IPO7: variants seen among roughly 807,000 people sequenced by gnomAD.
IPO7 encodes importin 7, also known as importin-7.
A neutral mutation model predicts 136.4 loss-of-function variants in IPO7; 13 were observed. The ratio of observed to expected loss-of-function variants is 0.10; its 90% confidence interval spans 0.06 to 0.15. IPO7 has a LOEUF of 0.15. Among genes scored for constraint, IPO7 ranks in the 10% least tolerant of loss-of-function variants. IPO7 has a pLI of 1.00. For synonymous variants in IPO7, 403 were observed against 404.4 expected (o/e 1.00, Z 0.04); for missense variants, 857 against 1,240.6 (o/e 0.69, Z 4.65).
intron 6 of IPO7, 109 bp downstream of exon 6, chr11:9,417,257 G>T (rs1855054187): frequency 3.9e-6 from 2 of 513,262 alleles, no homozygotes; most frequent in South Asian, 6.9e-5. Context: ...TTATAATATG[G>T]TGATGTATTT....
At chr11:9,396,365 C>T (rs975734066) in intron 1 of IPO7, among the ~76,000 whole-genome samples, 1 of 152,228 alleles carries the variant, frequency 6.6e-6, no homozygotes, top group Non-Finnish European at 1.5e-5. Context: ...CACTGCACTC[C>T]GGCCAGGGAG....
In IPO7 at chr11:9,442,958, G is replaced by A. The variant is rs553020208; in HGVS notation, c.3019+761G>A. ...AAATTGCTTGAACCTAGGAGGCGGA[G>A]GTTGCAGTGAGTTGAGATTGCACTA... On this transcript the variant is annotated intron_variant, in intron 24 of 24. Coordinates refer to ENST00000379719, the MANE Select transcript of IPO7 (RefSeq NM_006391.3). Among the ~76,000 whole-genome samples, 19 of 152,128 alleles carry A rather than the reference G, an allele frequency of 1.2e-4. No homozygotes were observed. The South Asian group carries it at 3.7e-3, about 30-fold the overall frequency.
At chr11:9,386,570 T>G (rs1225585156) in intron 1 of IPO7, among the ~76,000 whole-genome samples, 1 of 152,194 alleles carries the variant, frequency 6.6e-6, no homozygotes, top group Non-Finnish European at 1.5e-5. Flanking sequence ...AATTATTAAT[T>G]TTAAAAGTGA....
chr11:9,408,703 GGT>G (rs1854923630), intron 3 of IPO7, 64 bp downstream of exon 3: 47 of 411,372 alleles, frequency 1.1e-4, no homozygotes, highest in Non-Finnish European at 1.4e-4. Flanking sequence ...TTTGTTTTTT[GGT>G]TTTTTTTTTT....
At chr11:9,406,516 A>G (rs945068485) in intron 2 of IPO7, among the ~76,000 whole-genome samples, 5 of 152,136 alleles carry the variant, frequency 3.3e-5, no homozygotes, top group Non-Finnish European at 5.9e-5. Flanking sequence ...GTGTGTACAC[A>G]ATTGGAAGGA....
intron 7 of IPO7, 47 bp from the exon 8 acceptor site, chr11:9,420,567 G>A: frequency 6.4e-7 from 1 of 1,553,564 alleles, no homozygotes; most frequent in Non-Finnish European, 8.9e-7. Context: ...TAAAGTGCTA[G>A]CATAAAGCAT....
chr11:9,437,910 A>G lies in IPO7; in HGVS notation c.2425A>G (p.Asn809Asp), dbSNP rs1479443288. Residue 809 changes from asparagine (N) to aspartate (D), a missense_variant, in exon 21 of 25, where the codon AAT becomes GAT. By Grantham distance (23) the Asn-to-Asp change is conservative. Around this residue, in one of 11 missense-constraint regions of IPO7, gnomAD observed 190 missense variants for 249.0 expected, o/e 0.76. Coordinates refer to ENST00000379719, the MANE Select transcript of IPO7 (RefSeq NM_006391.3). Reference sequence around the variant, plus strand: ...CTTAGAAAATCTTCGCTTCCCTAATAATGTTGAACCAGTTACAAATCATTT... The same window carrying G: ...CTTAGAAAATCTTCGCTTCCCTAATGATGTTGAACCAGTTACAAATCATTT... ...NTLENLRFPN[N>D]VEPVTNHFIT... 2 of 1,613,912 alleles carry G rather than the reference A, an allele frequency of 1.2e-6. No individual in the cohort carries two copies. Among genetic ancestry groups the G allele is most frequent in the East Asian group, 2.2e-5 (1 of 44,856 alleles).
intron 1 of IPO7, among the ~76,000 whole-genome samples, chr11:9,395,873 C>T (rs781723147): frequency 9.9e-5 from 15 of 151,576 alleles, no homozygotes; most frequent in East Asian, 2.0e-4. Flanking sequence ...GCCGCCACCA[C>T]GTCTGGCTAA....
intron 11 of IPO7, 35 bp from the exon 12 acceptor site, chr11:9,425,111 C>A: frequency 7.2e-7 from 1 of 1,387,222 alleles, no homozygotes; most frequent in Non-Finnish European, 1.0e-6. Context: ...GACTGTTGGC[C>A]TATTCAGTAA....
At chr11:9,428,766 C>A in intron 13 of IPO7, 137 bp downstream of exon 13, 1 of 789,252 alleles carries the variant, frequency 1.3e-6, no homozygotes, top group Non-Finnish European at 2.3e-6. Flanking sequence ...TAAATCTTTA[C>A]ATGGCTGCTG....
intron 9 of IPO7, 130 bp downstream of exon 9, chr11:9,423,270 G>A: frequency 1.8e-6 from 1 of 548,260 alleles, no homozygotes; most frequent in Non-Finnish European, 3.1e-6. Flanking sequence ...TGTTTTGAGA[G>A]TATAGCAGAA....
At chr11:9,413,068 C>T (rs916819469) in intron 4 of IPO7, among the ~76,000 whole-genome samples, 6 of 151,914 alleles carry the variant, frequency 3.9e-5, no homozygotes, top group African/African-American at 9.7e-5. Context: ...TTAGTAGAGA[C>T]GGGGTTTCAC....
chr11:9,397,341 A>AAAAAAAAAATATATATAT lies in IPO7; in HGVS notation c.85-5948_85-5947insAAAAAAAATATATATATA. Among the ~76,000 whole-genome samples, 24 of 10,754 alleles carry AAAAAAAAAATATATATAT rather than the reference A, an allele frequency of 2.2e-3. 1 individual carries two copies. Among genetic ancestry groups the AAAAAAAAAATATATATAT allele is most frequent in the African/African-American group, 2.8e-3 (11 of 3,980 alleles). 7.1% of individuals were successfully genotyped at this position (10,754 alleles called of 152,430 possible). On this transcript the variant is annotated intron_variant, in intron 1 of 24. Coordinates refer to ENST00000379719, the MANE Select transcript of IPO7 (RefSeq NM_006391.3). ...CTTTACTAAAAATAATTTAAAAAAA[A>AAAAAAAAAATATATATAT]ATATATATATATATATATATATATT...
At chr11:9,391,100 T>C (rs1854626619) in intron 1 of IPO7, among the ~76,000 whole-genome samples, 1 of 152,154 alleles carries the variant, frequency 6.6e-6, no homozygotes, top group African/African-American at 2.4e-5. Context: ...AAAGTTTTTT[T>C]TTAAAGTTCC....
chr11:9,428,392 C>T (rs749435299), intron 12 of IPO7, 148 bp from the exon 13 acceptor site: 15 of 448,292 alleles, frequency 3.3e-5, no homozygotes, highest in Non-Finnish European at 5.7e-5. Context: ...TTCTGGAATA[C>T]GAAAATTGGT....
intron 1 of IPO7, among the ~76,000 whole-genome samples, chr11:9,397,673 T>G (rs1231795105): frequency 2.0e-5 from 3 of 151,972 alleles, no homozygotes; most frequent in Non-Finnish European, 2.9e-5. Context: ...AAACCATGTA[T>G]GTGTGCTTTG....
intron 2 of IPO7, among the ~76,000 whole-genome samples, chr11:9,405,933 G>T (rs1564994541): frequency 1.3e-5 from 2 of 150,990 alleles, no homozygotes; most frequent in Non-Finnish European, 2.9e-5. Context: ...TCCTTGCCCA[G>T]GCCGGGGTGC....
chr11:9,440,712 A>T, intron 23 of IPO7, 51 bp downstream of exon 23: 2 of 1,352,742 alleles, frequency 1.5e-6, no homozygotes, highest in Non-Finnish European at 2.1e-6. Context: ...AATCTGTTGT[A>T]GTTTCTGCCT....
intron 15 of IPO7, 154 bp from the exon 16 acceptor site, chr11:9,430,721 A>G (rs1855282411): frequency 4.7e-6 from 3 of 644,782 alleles, no homozygotes; most frequent in Admixed American, 3.0e-5. Context: ...CTATTTGATT[A>G]TAGAGCTTAA....
Sources: gnomAD v4.1 joint callset for allele counts (sites outside exome capture counted in the v4.1 genomes callset) on GRCh38, gnomAD v4.1.1 for gene constraint, gnomAD v4.1.1 regional missense constraint, MANE v1.5 for transcripts, NCBI Gene and HGNC (gene_info 2026-07-23, HGNC 2026-07-21) for gene names.